The following MVP variants were observed in gnomAD, a reference collection of about 807,000 sequenced individuals.
MVP encodes the protein major vault protein, also known as lung resistance-related protein.
Under a neutral mutation model 83.5 loss-of-function variants are expected in MVP, and 62 were observed. That is an observed-to-expected ratio of 0.74 (90% CI 0.61 to 0.92). The LOEUF is 0.92. Among genes scored for constraint, MVP ranks in the 40% least tolerant of loss-of-function variants. The pLI is 0.00. For synonymous variants in MVP, 505 were observed against 504.1 expected (o/e 1.00, Z -0.02); for missense variants, 1,000 against 1,203.4 (o/e 0.83, Z 2.50).
intron 3 of MVP, 131 bp downstream of exon 3, chr16:29,831,204 T>C: frequency 1.1e-6 from 1 of 870,820 alleles, no homozygotes; most frequent in Non-Finnish European, 1.7e-6. Flanking sequence ...TCGCCCAGGC[T>C]GGAGTGCAGT....
intron 7 of MVP, among the ~76,000 whole-genome samples, chr16:29,839,714 G>T (rs189959356): frequency 7.4e-6 from 1 of 135,694 alleles, no homozygotes; most frequent in Non-Finnish European, 1.5e-5. Flanking sequence ...AGCCTGGAAG[G>T]TTGAGGCTGC....
In MVP at chr16:29,847,930, C is replaced by A. The variant is rs763864769; in HGVS notation, c.2623C>A (p.Gln875Lys). The change falls in exon 15 of 15, where the codon CAG becomes AAG. Residue 875 changes from glutamine (Q) to lysine (K), a missense_variant. By Grantham distance (53) the Gln-to-Lys change is moderately conservative. Coordinates refer to ENST00000357402, the MANE Select transcript of MVP (RefSeq NM_005115.5). ...GPSPGEGISP[Q>K]SAQAPQAPGD... ...CAGCCCTGGGGAGGGGATATCCCCC[C>A]AGTCTGCTCAGGCCCCTCAAGCTCC... The A allele has an allele frequency of 4.3e-6, 7 of 1,613,362 alleles. No homozygotes were observed. Among genetic ancestry groups the A allele is most frequent in the South Asian group, 3.3e-5 (3 of 91,062 alleles).
intron 1 of MVP, among the ~76,000 whole-genome samples, chr16:29,822,063 T>G (rs181008451): frequency 6.6e-6 from 1 of 151,550 alleles, no homozygotes; most frequent in African/African-American, 2.4e-5. Context: ...CTGTCTCTGT[T>G]TGTGTGTGTG....
chr16:29,846,055 TG>T, intron 12 of MVP, 76 bp downstream of exon 12: 1 of 1,609,988 alleles, frequency 6.2e-7, no homozygotes, highest in Non-Finnish European at 8.5e-7. Context: ...GCAGCAGGCC[TG>T]GGTGGGGTGT....
At chr16:29,835,910 G>T in intron 6 of MVP, 112 bp downstream of exon 6, 1 of 879,224 alleles carries the variant, frequency 1.1e-6, no homozygotes, top group Non-Finnish European at 1.8e-6. Context: ...TAATTTTAGG[G>T]TCACTTAAAA....
chr16:29,845,895 G>A lies in MVP; in HGVS notation c.2054G>A (p.Arg685His), dbSNP rs780387195. Residue 685 changes from arginine (R) to histidine (H), a missense_variant, in exon 12 of 15, where the codon CGC (arginine) becomes CAC (histidine). Physicochemically the swap from Arg to His is conservative, Grantham distance 29. Coordinates refer to ENST00000357402, the MANE Select transcript of MVP (RefSeq NM_005115.5). ...GCTCAGAGACTGGAGCAGGAAGCCC[G>A]CGGCCGGCTTGAGCGGCAGAAGATC... ...HEAQRLEQEA[R>H]GRLERQKILD... 19 of 1,613,956 alleles carry A rather than the reference G, an allele frequency of 1.2e-5. No homozygotes were observed. Among genetic ancestry groups the A allele is most frequent in the South Asian group, 3.3e-5 (3 of 91,088 alleles).
chr16:29,840,612 T>C (rs2067527277), intron 8 of MVP, among the ~76,000 whole-genome samples, 153 bp downstream of exon 8: 1 of 151,866 alleles, frequency 6.6e-6, no homozygotes, highest in African/African-American at 2.4e-5. Context: ...CTACGTGGAG[T>C]GTTTGCCATC....
chr16:29,841,413 T>C lies in MVP; in HGVS notation c.1192-183T>C, dbSNP rs2067533435. 6.6e-6 allele frequency among the ~76,000 whole-genome samples: 1 copy of C among 151,938 alleles called. No individual in the cohort carries two copies. The highest frequency in any genetic ancestry group is 1.5e-5 in the Non-Finnish European group (1 of 67,964). ...GGAAACTGAAGCCCAAGGGGTGAGG[T>C]AGTTAGCCCACGATGACAGGGCCAG... On this transcript the variant is annotated intron_variant, in intron 8 of 14. Transcript: ENST00000357402. This position sits in a 1 kb window ranked among gnomAD's most constrained non-coding sequence, Gnocchi z 4.7.
At chr16:29,835,064 G>A (rs908873379) in intron 5 of MVP, 5 of 152,064 alleles carry the variant, frequency 3.3e-5, no homozygotes, top group South Asian at 4.1e-4. Context: ...CTTGCCCTGG[G>A]GTGTGGCCAG....
intron 3 of MVP, chr16:29,831,703 T>C (rs982102057): frequency 2.2e-6 from 1 of 455,996 alleles, no homozygotes; most frequent in African/African-American, 2.0e-5. Flanking sequence ...GTGCCAAGGT[T>C]AAGCAGTTCA....
intron 1 of MVP, among the ~76,000 whole-genome samples, chr16:29,828,726 C>A (rs573622698): frequency 6.6e-6 from 1 of 152,136 alleles, no homozygotes; most frequent in Admixed American, 6.6e-5. Context: ...AATGGCATAG[C>A]TGTAAGGCAG....
At position 29,840,588 on chromosome 16, in the gene MVP, G is replaced by C. The variant is rs1362814850; in HGVS notation, c.1191+129G>C. 4.6e-6 allele frequency: 5 copies of C among 1,094,094 alleles called. No homozygotes were observed. In the African/African-American group the frequency reaches 8.0e-5, roughly 17 times the overall value. 67.8% of individuals were successfully genotyped at this position (1,094,094 alleles called of 1,614,324 possible). ...AGAGCCATATCAGGTGGGCTGTCTG[G>C]TTGGGGGAGGGCACTACGTGGAGTG... is the stretch of plus-strand genomic sequence containing the variant. On this transcript the variant is annotated intron_variant, in intron 8 of 14. Coordinates refer to ENST00000357402, the MANE Select transcript of MVP (RefSeq NM_005115.5).
At chr16:29,845,421 A>C (rs2067575998) in intron 11 of MVP, among the ~76,000 whole-genome samples, 2 of 151,970 alleles carry the variant, frequency 1.3e-5, no homozygotes, top group East Asian at 3.9e-4. Context: ...ACCCACCTGA[A>C]GGCCTTTTGC....
rs1413546622 is a variant in MVP at position 29,830,539 on chromosome 16, T to A, written c.-11T>A. 1 of 1,613,466 alleles carries A rather than the reference T, an allele frequency of 6.2e-7. No individual in the cohort carries two copies. The highest frequency in any genetic ancestry group is 8.5e-7 in the Non-Finnish European group (1 of 1,179,734). On this transcript the variant is annotated 5_prime_UTR_variant, in exon 2 of 15. Transcript: ENST00000357402. ...GTCATCTTCTTGTGAGCCCTGGGCT[T>A]AGGAGTCACCATGGCAACTGAAGAG...
At position 29,841,814 on chromosome 16, in the gene MVP, G is replaced by A. The variant is rs151226313; in HGVS notation, c.1410G>A (p.Val470=). The A allele has an allele frequency of 7.8e-5, 125 of 1,611,040 alleles. 1 individual carries two copies. In the African/African-American group the frequency reaches 1.4e-3, roughly 18 times the overall value. The change falls in exon 9 of 15, where the codon GTG becomes GTA. Residue 470 remains valine (V), a synonymous_variant. Transcript: ENST00000357402. The surrounding 1 kb of genome is among the most constrained non-coding windows in gnomAD (Gnocchi z 4.7). ...TGCCCCACAACGCTGCGGTGCAGGT[G>A]TACGACTACCGAGAGAAGCGAGCCC... ...YRVPHNAAVQ[V]YDYREKRARV...
chr16:29,848,033 AAC>A (rs763449922), downstream of MVP: 69 of 1,580,400 alleles, frequency 4.4e-5, no homozygotes, highest in African/African-American at 7.7e-4. Flanking sequence ...TTACAATTTC[AAC>A]ACTTTTCTCT....
At chr16:29,821,937 A>G (rs569882941) in intron 1 of MVP, among the ~76,000 whole-genome samples, 1 of 152,322 alleles carries the variant, frequency 6.6e-6, no homozygotes, top group African/African-American at 2.4e-5. Flanking sequence ...TAAGAATTCC[A>G]GCCTAGGGCT....
rs1596913419 is a variant in MVP, at chr16:29,830,947, G to A, written c.195G>A (p.Val65=). The change falls in exon 3 of 15, where the codon GTG becomes GTA. Residue 65 remains valine (V), a synonymous_variant. Coordinates refer to ENST00000357402, the MANE Select transcript of MVP (RefSeq NM_005115.5). ...PRHYCTVANP[V]SRDAQGLVLF... is the part of the protein sequence containing the mutation. ...ACTACTGCACAGTGGCCAACCCTGT[G>A]TCTCGGGATGCCCAGGGCTTGGTGC... is the stretch of plus-strand genomic sequence containing the variant. 3 of 1,614,040 alleles carry A rather than the reference G, an allele frequency of 1.9e-6. No homozygotes were observed. The highest frequency in any genetic ancestry group is 1.7e-5 in the Admixed American group (1 of 60,006).
In MVP at chr16:29,833,967, G is replaced by A. The variant is rs145483127; in HGVS notation, c.478G>A (p.Val160Met). ...TYIPRKEVEVVEIIQATIIRQ... is the reference protein window; with the variant it reads ...TYIPRKEVEVMEIIQATIIRQ... ...CATCCCCCGGAAGGAAGTGGAGGTCGTGGAGATCATTCAGGCCACCATCAT... is the reference window on the plus strand; with the variant it reads ...CATCCCCCGGAAGGAAGTGGAGGTCATGGAGATCATTCAGGCCACCATCAT... The change falls in exon 5 of 15, where the codon GTG (valine) becomes ATG (methionine). Residue 160 changes from valine to methionine, a missense_variant. Transcript: ENST00000357402. The A allele has an allele frequency of 3.0e-5, 48 of 1,613,958 alleles. No individual in the cohort carries two copies. The highest frequency in any genetic ancestry group is 1.6e-4 in the South Asian group (15 of 91,070).
Sources: gnomAD v4.1 joint callset for allele counts (sites outside exome capture counted in the v4.1 genomes callset) on GRCh38, gnomAD v4.1.1 for gene constraint, Gnocchi (gnomAD v3.1) non-coding constraint, MANE v1.5 for transcripts, NCBI Gene and HGNC (gene_info 2026-07-23, HGNC 2026-07-21) for gene names.